Variants in ADAMTSL1 observed in about 807,000 individuals in gnomAD.
The protein encoded by ADAMTSL1 is ADAMTS like 1, also known as ADAMTS-like protein 1.
Under a neutral mutation model 201.8 loss-of-function variants are expected in ADAMTSL1, and 126 were observed. That is an observed-to-expected ratio of 0.62 (90% CI 0.54 to 0.72). The LOEUF (loss-of-function observed/expected upper bound fraction) is 0.72, where lower values mean the gene tolerates loss of function less well. ADAMTSL1 is among the 30% of genes least tolerant of loss of function. The pLI, the probability that ADAMTSL1 is intolerant of heterozygous loss-of-function variation, is 0.00. For synonymous variants in ADAMTSL1, 1,121 were observed against 903.4 expected (o/e 1.24, Z -4.32); for missense variants, 2,679 against 2,277.8 (o/e 1.18, Z -3.59).
chr9:18,188,592 T>C lies in ADAMTSL1; in HGVS notation c.207+24611T>C, dbSNP rs114925893. On this transcript the variant is annotated intron_variant, in intron 2 of 29. Coordinates refer to the ADAMTSL1 transcript ENST00000680146. ...TTTCAGATATATTTTTAAGGGAAAATAGTGCAATAATTAGAGCTGCGCCAT... is the reference window on the plus strand; with the variant it reads ...TTTCAGATATATTTTTAAGGGAAAACAGTGCAATAATTAGAGCTGCGCCAT... Among the ~76,000 whole-genome samples the C allele has an allele frequency of 3.9e-3, 590 of 152,182 alleles. 3 individuals carry two copies. The highest frequency in any genetic ancestry group is 0.014 in the African/African-American group (562 of 41,518).
intron 1 of ADAMTSL1, among the ~76,000 whole-genome samples, chr9:18,049,619 C>CT (rs61679017): frequency 0.39 from 56,498 of 143,620 alleles, 11,146 homozygotes; most frequent in Non-Finnish European, 0.45. Context: ...ACTTCTTATT[C>CT]TTTTTTTTTT....
intron 2 of ADAMTSL1, among the ~76,000 whole-genome samples, chr9:18,182,270 C>T (rs10963504): frequency 0.47 from 70,712 of 150,340 alleles, 16,983 homozygotes; most frequent in Admixed American, 0.55. Context: ...CACAAGTACC[C>T]TAAAACTTAA....
At chr9:18,296,343 G>A (rs1006505200) in intron 2 of ADAMTSL1, among the ~76,000 whole-genome samples, 2 of 152,000 alleles carry the variant, frequency 1.3e-5, no homozygotes, top group Non-Finnish European at 2.9e-5. Flanking sequence ...AAAAAATTTG[G>A]ATAACAAGGA....
At chr9:18,318,386 T>C (rs1834489340) in intron 2 of ADAMTSL1, among the ~76,000 whole-genome samples, 1 of 152,194 alleles carries the variant, frequency 6.6e-6, no homozygotes, top group Non-Finnish European at 1.5e-5. Context: ...TGGAAACTTG[T>C]TAGAAATGTA....
At chr9:18,411,758 C>A (rs1308196566) in intron 2 of ADAMTSL1, among the ~76,000 whole-genome samples, 1 of 152,092 alleles carries the variant, frequency 6.6e-6, no homozygotes, top group Non-Finnish European at 1.5e-5. Flanking sequence ...TCATTTCACC[C>A]ATAAATATCA....
intron 3 of ADAMTSL1, among the ~76,000 whole-genome samples, chr9:18,545,432 A>G (rs1272557198): frequency 6.6e-6 from 1 of 152,210 alleles, no homozygotes; most frequent in Non-Finnish European, 1.5e-5. Flanking sequence ...CAAAAAGTTT[A>G]AGGCTCAAGC....
intron 1 of ADAMTSL1, among the ~76,000 whole-genome samples, chr9:18,065,705 G>A (rs1185705036): frequency 1.3e-5 from 2 of 152,186 alleles, no homozygotes; most frequent in East Asian, 1.9e-4. Flanking sequence ...AAAGGGCCAG[G>A]CGCGGTGGCT....
intron 11 of ADAMTSL1, 115 bp from the exon 12 acceptor site, chr9:18,681,697 T>TGTGTGGCA: frequency 4.2e-6 from 1 of 238,092 alleles, no homozygotes; most frequent in Non-Finnish European, 6.6e-6. Flanking sequence ...AGTCCTCGTG[T>TGTGTGGCA]GGGGGGGGGG....
At chr9:18,784,884 G>A (rs1821610256) in intron 19 of ADAMTSL1, among the ~76,000 whole-genome samples, 1 of 152,172 alleles carries the variant, frequency 6.6e-6, no homozygotes, top group South Asian at 2.1e-4. Context: ...ATCGAGCTGG[G>A]GTGAGGCGCG....
intron 1 of ADAMTSL1, among the ~76,000 whole-genome samples, chr9:18,055,394 A>G (rs1822135472): frequency 6.6e-6 from 1 of 152,196 alleles, no homozygotes; most frequent in African/African-American, 2.4e-5. Context: ...CATCAAAGGA[A>G]GTGTGTAGAA....
At chr9:18,473,699 T>C (rs1821311213), upstream of ADAMTSL1, among the ~76,000 whole-genome samples, 1 of 152,184 alleles carries the variant, frequency 6.6e-6, no homozygotes, top group Non-Finnish European at 1.5e-5. Flanking sequence ...TTATGGCATA[T>C]GTTATATATT....
chr9:18,333,279 A>C (rs530423676), intron 2 of ADAMTSL1, among the ~76,000 whole-genome samples: 3 of 152,244 alleles, frequency 2.0e-5, no homozygotes, highest in African/African-American at 7.2e-5. Context: ...GAGGTAATTG[A>C]ATCATTGGGG....
At chr9:18,359,491 T>C (rs1836405968) in intron 2 of ADAMTSL1, among the ~76,000 whole-genome samples, 1 of 152,204 alleles carries the variant, frequency 6.6e-6, no homozygotes, top group Non-Finnish European at 1.5e-5. Flanking sequence ...ACCCAAAAGA[T>C]GGTTACTAAT....
intron 3 of ADAMTSL1, among the ~76,000 whole-genome samples, chr9:18,568,849 A>G (rs1366925334): frequency 6.6e-6 from 1 of 152,132 alleles, no homozygotes; most frequent in Admixed American, 6.6e-5. Context: ...GATGGCACTC[A>G]TATAATAGGT....
intron 1 of ADAMTSL1, among the ~76,000 whole-genome samples, chr9:17,969,979 G>A (rs944612340): frequency 6.6e-5 from 10 of 152,002 alleles, no homozygotes; most frequent in African/African-American, 1.7e-4. Context: ...GATAATAAAA[G>A]ATAACTGTAG....
intron 1 of ADAMTSL1, among the ~76,000 whole-genome samples, chr9:18,059,486 C>T (rs998028962): frequency 1.3e-5 from 2 of 152,122 alleles, no homozygotes; most frequent in African/African-American, 4.8e-5. Flanking sequence ...CCTGGTAACA[C>T]TTTGGTGTAT....
chr9:18,540,394 G>A (rs7466067), intron 3 of ADAMTSL1, among the ~76,000 whole-genome samples: 35,088 of 152,096 alleles, frequency 0.23, 4,631 homozygotes, highest in East Asian at 0.62. Flanking sequence ...GTAATGGGAT[G>A]GAGAGTGACA....
At chr9:17,981,678 G>A (rs986557487) in intron 1 of ADAMTSL1, among the ~76,000 whole-genome samples, 3 of 152,068 alleles carry the variant, frequency 2.0e-5, no homozygotes, top group Non-Finnish European at 2.9e-5. Context: ...AGGTTTTTTG[G>A]CCCACTGAAG....
chr9:18,860,748 A>G (rs947230024), intron 23 of ADAMTSL1, among the ~76,000 whole-genome samples: 9 of 151,854 alleles, frequency 5.9e-5, no homozygotes, highest in African/African-American at 2.2e-4. Context: ...TTCCTTCTCT[A>G]TATTCTAGGG....
Sources: allele counts gnomAD v4.1 joint callset (sites outside exome capture counted in the v4.1 genomes callset), GRCh38; gene constraint gnomAD v4.1.1; transcripts MANE v1.5; gene names NCBI Gene and HGNC (gene_info 2026-07-23, HGNC 2026-07-21).